The following HMCN1 variants were observed in gnomAD, a reference collection of about 807,000 sequenced individuals.
The protein encoded by HMCN1 is hemicentin-1.
Under a neutral mutation model 625.9 loss-of-function variants are expected in HMCN1, and 321 were observed. The ratio of observed to expected loss-of-function variants is 0.51; its 90% CI spans 0.47 to 0.56. The LOEUF (loss-of-function observed/expected upper bound fraction) is 0.56. Ranked by LOEUF, HMCN1 falls within the 20% of genes least tolerant of loss-of-function variation. HMCN1 has a pLI of 0.00. For synonymous variants in HMCN1, 2,425 were observed against 2,417.6 expected (o/e 1.00, Z -0.09); for missense variants, 6,588 against 6,887.3 (o/e 0.96, Z 1.54).
chr1:185,970,534 G>T (rs1200599923), intron 15 of HMCN1, 41 bp downstream of exon 15: 2 of 1,535,650 alleles, frequency 1.3e-6, no homozygotes, highest in South Asian at 1.1e-5. Flanking sequence ...TTTAGAAATT[G>T]ATATGTTATT....
intron 75 of HMCN1, among the ~76,000 whole-genome samples, chr1:186,115,960 A>G (rs1219378907): frequency 6.6e-6 from 1 of 151,790 alleles, no homozygotes; most frequent in African/African-American, 2.4e-5. Flanking sequence ...TTCTGATGTT[A>G]TAGGTGAGCA....
chr1:185,745,965 G>A (rs983417223), intron 1 of HMCN1, among the ~76,000 whole-genome samples: 1 of 152,222 alleles, frequency 6.6e-6, no homozygotes, highest in Non-Finnish European at 1.5e-5. Context: ...TATGGACTCT[G>A]GAAAAGGGAG....
intron 97 of HMCN1, among the ~76,000 whole-genome samples, chr1:186,158,800 TG>T (rs1308101819): frequency 1.9e-4 from 29 of 152,314 alleles, no homozygotes; most frequent in African/African-American, 7.0e-4. Context: ...TCTATATCTC[TG>T]TTTTGGTACC....
chr1:185,744,475 G>A (rs1430074817), intron 1 of HMCN1, among the ~76,000 whole-genome samples: 1 of 152,158 alleles, frequency 6.6e-6, no homozygotes, highest in Non-Finnish European at 1.5e-5. Context: ...AATCTAAAAA[G>A]TCAAAGATAA....
In HMCN1 at chr1:186,128,252, C is replaced by T. The variant is rs774451325; in HGVS notation, c.12865C>T (p.Pro4289Ser). The T allele has an allele frequency of 1.2e-6, 2 of 1,613,414 alleles. No individual in the cohort carries two copies. The highest frequency in any genetic ancestry group is 1.7e-5 in the Admixed American group (1 of 59,948). ...LSCKATGIPL[P>S]KLTWTFNNNI... is the part of the protein sequence containing the mutation. Reference sequence around the variant, plus strand: ...CTGTAAAGCTACTGGTATTCCATTGCCCAAATTAACATGGACCTTCAATAA... The same window carrying T: ...CTGTAAAGCTACTGGTATTCCATTGTCCAAATTAACATGGACCTTCAATAA... Residue 4289 changes from proline (P) to serine (S), a missense_variant, in exon 83 of 107, where the codon CCC becomes TCC. This residue lies in a region of HMCN1 where 1,954 missense variants were observed against 2,013.1 expected (regional missense o/e 0.97). Coordinates refer to ENST00000271588, the MANE Select transcript of HMCN1 (RefSeq NM_031935.3).
intron 4 of HMCN1, among the ~76,000 whole-genome samples, chr1:185,908,763 T>C (rs1666242697): frequency 6.6e-6 from 1 of 150,884 alleles, no homozygotes; most frequent in Non-Finnish European, 1.5e-5. Flanking sequence ...CACTTTATTA[T>C]AAAAATGACT....
intron 102 of HMCN1, among the ~76,000 whole-genome samples, chr1:186,174,087 G>C (rs1475821000): frequency 6.6e-6 from 1 of 152,186 alleles, no homozygotes; most frequent in Non-Finnish European, 1.5e-5. Flanking sequence ...TTAAGGCATT[G>C]AGGGTGTGCT....
intron 3 of HMCN1, 67 bp from the exon 4 acceptor site, chr1:185,865,674 T>C: frequency 1.5e-6 from 2 of 1,351,216 alleles, no homozygotes; most frequent in Non-Finnish European, 2.1e-6. Context: ...CAATAGGTAG[T>C]CAATACACAT....
At chr1:186,094,055 A>G (rs1659993094) in intron 66 of HMCN1, among the ~76,000 whole-genome samples, 1 of 152,058 alleles carries the variant, frequency 6.6e-6, no homozygotes, top group African/African-American at 2.4e-5. Flanking sequence ...CACCTCTTAA[A>G]TTGTGCTATA....
intron 1 of HMCN1, among the ~76,000 whole-genome samples, chr1:185,746,167 T>A (rs969793556): frequency 3.3e-5 from 5 of 152,090 alleles, no homozygotes; most frequent in African/African-American, 1.2e-4. Flanking sequence ...AAATGATGAG[T>A]TAAGAAAATG....
rs760983892 is a variant in HMCN1 at position 185,977,966 on chromosome 1, G to A, written c.2551G>A (p.Ala851Thr). The A allele has an allele frequency of 1.9e-6, 3 of 1,611,448 alleles. No homozygotes were observed. The highest frequency in any genetic ancestry group is 2.5e-6 in the Non-Finnish European group (3 of 1,177,904). The change falls in exon 16 of 107, where the codon GCT (alanine) becomes ACT (threonine). Residue 851 changes from alanine (A) to threonine (T), a missense_variant. Physicochemically the swap from Ala to Thr is moderately conservative, Grantham distance 58 (BLOSUM62 0). Coordinates refer to ENST00000271588, the MANE Select transcript of HMCN1 (RefSeq NM_031935.3). ...TTCCATCAGCCAACTAAGAACAGGAGCTCTCTTTATTTTAAGTAGGTTGAA... is the reference window on the plus strand; with the variant it reads ...TTCCATCAGCCAACTAAGAACAGGAACTCTCTTTATTTTAAGTAGGTTGAA... ...VSSISQLRTG[A>T]LFILNLWASD...
intron 1 of HMCN1, among the ~76,000 whole-genome samples, chr1:185,806,810 T>A (rs1306219453): frequency 6.6e-6 from 1 of 152,182 alleles, no homozygotes; most frequent in East Asian, 1.9e-4. Context: ...ATGCCCACTG[T>A]GTTTTTATTA....
At position 186,144,546 on chromosome 1, in the gene HMCN1, G is replaced by C. The variant is rs745965997; in HGVS notation, c.14109G>C (p.Trp4703Cys). 1.9e-6 allele frequency: 3 copies of C among 1,614,084 alleles called. No individual in the cohort carries two copies. The Admixed American group carries it at 5.0e-5, about 27-fold the overall frequency. The change falls in exon 91 of 107, where the codon TGG (tryptophan) becomes TGC (cysteine). Residue 4703 changes from tryptophan to cysteine, a missense_variant. Trp to Cys is a radical substitution (Grantham distance 215). Coordinates refer to ENST00000271588, the MANE Select transcript of HMCN1 (RefSeq NM_031935.3). ...CCCTTATTCCAGTTCATGGCAAGTG[G>C]GCGACTTGGGCCAGTTGGAGTGCCT... is the stretch of plus-strand genomic sequence containing the variant. ...NERNCPIHGK[W>C]ATWASWSACS...
At chr1:186,086,447 A>G (rs751195243) in intron 58 of HMCN1, 40 bp downstream of exon 58, 101 of 1,589,710 alleles carry the variant, frequency 6.4e-5, no homozygotes, top group Non-Finnish European at 8.6e-6. Flanking sequence ...AAATTTTCTC[A>G]TCTTTATTTT....
intron 1 of HMCN1, among the ~76,000 whole-genome samples, chr1:185,745,348 C>A (rs1353642512): frequency 6.6e-6 from 1 of 152,198 alleles, no homozygotes; most frequent in Non-Finnish European, 1.5e-5. Flanking sequence ...CATCAGCAGT[C>A]TTTCTAACTG....
intron 1 of HMCN1, among the ~76,000 whole-genome samples, chr1:185,786,967 C>T (rs1657619772): frequency 6.6e-6 from 1 of 152,170 alleles, no homozygotes; most frequent in South Asian, 2.1e-4. Flanking sequence ...CTTCTGTTAA[C>T]ATGAGATAAC....
chr1:185,814,298 A>T (rs976039463), intron 1 of HMCN1, among the ~76,000 whole-genome samples: 8 of 152,068 alleles, frequency 5.3e-5, no homozygotes, highest in Non-Finnish European at 8.8e-5. Context: ...AATAGATTAC[A>T]TTTTTTTCTG....
chr1:185,954,084 A>G (rs1323762351), intron 11 of HMCN1, among the ~76,000 whole-genome samples: 1 of 151,706 alleles, frequency 6.6e-6, no homozygotes, highest in Non-Finnish European at 1.5e-5. Context: ...TTGTGGTGGA[A>G]TGTCATCAGT....
intron 1 of HMCN1, among the ~76,000 whole-genome samples, chr1:185,764,792 A>G (rs957299374): frequency 6.6e-6 from 1 of 152,216 alleles, no homozygotes. Context: ...GTAATTTGAT[A>G]TAAATAAATT....
Sources: allele counts gnomAD v4.1 joint callset (sites outside exome capture counted in the v4.1 genomes callset), GRCh38; gene constraint gnomAD v4.1.1; regional missense constraint gnomAD v4.1.1; transcripts MANE v1.5; gene names NCBI Gene and HGNC (gene_info 2026-07-23, HGNC 2026-07-21).